Variants in ZNF626 observed in about 807,000 individuals in gnomAD.
ZNF626 encodes CTC-513N18.7.
ZNF626 carries 4 observed loss-of-function variants against 11.7 expected under a neutral mutation model. That is an observed-to-expected ratio of 0.34 (90% confidence interval 0.17 to 0.78). The LOEUF (loss-of-function observed/expected upper bound fraction) is 0.78. Ranked by LOEUF, ZNF626 falls within the 30% of genes least tolerant of loss-of-function variation. The probability of loss-of-function intolerance (pLI) is 0.57; values close to 1 mark genes in which losing one functional copy is unlikely to be tolerated. For missense variants in ZNF626, 588 were observed against 587.1 expected (o/e 1.00, Z -0.01); for synonymous variants, 179 against 198.6 (o/e 0.90, Z 0.83).
chr19:20,628,233 T>C (rs10413210), intron 3 of ZNF626, among the ~76,000 whole-genome samples: 67,941 of 151,640 alleles, frequency 0.45, 16,431 homozygotes, highest in African/African-American at 0.64. Context: ...AGTGCTGCAA[T>C]AAACATACAT....
chr19:20,645,356 T>C (rs1555771789), intron 3 of ZNF626: 1 of 1,579,938 alleles, frequency 6.3e-7, no homozygotes, highest in East Asian at 2.2e-5. Context: ...CATTTGTGCG[T>C]CCCAAAAATT....
intron 1 of ZNF626, among the ~76,000 whole-genome samples, chr19:20,660,899 T>C (rs1419345201): frequency 6.6e-6 from 1 of 152,104 alleles, no homozygotes; most frequent in Non-Finnish European, 1.5e-5. Context: ...GTAGGGTTGA[T>C]TTACAACTTT....
chr19:20,652,505 CA>C (rs1185029393), intron 1 of ZNF626, among the ~76,000 whole-genome samples: 1 of 152,062 alleles, frequency 6.6e-6, no homozygotes, highest in Non-Finnish European at 1.5e-5. Context: ...TATTTATTTA[CA>C]AAAATAACAT....
chr19:20,645,522 AAAAG>A (rs1555771815), intron 3 of ZNF626, 158 bp downstream of exon 3: 3 of 1,565,528 alleles, frequency 1.9e-6, no homozygotes. Context: ...GCAAAATTAA[AAAAG>A]AAAAAACCAA....
chr19:20,661,534 G>GT lies in ZNF626; in HGVS notation c.-89_-88insA, dbSNP rs1555773709. On this transcript the variant is annotated 5_prime_UTR_variant, in exon 1 of 4. Coordinates refer to ENST00000601440, the MANE Select transcript of ZNF626 (RefSeq NM_001076675.3). ...GGCCACACAGCCTGGGCCTTTAGGA[G>GT]AAGAACCAGACCTGGAGCTCTGACT... The GT allele has an allele frequency of 1.5e-5, 23 of 1,492,276 alleles. No homozygotes were observed. The highest frequency in any genetic ancestry group is 1.5e-4 in the Admixed American group (8 of 54,158). The allele number at this position is 1,492,276 out of a possible 1,614,324, so 92.4% of individuals were successfully genotyped here. A position where few individuals can be genotyped will look rare whatever the true frequency, so the allele number is the denominator to read the frequency against.
chr19:20,655,102 A>C (rs1210124520), intron 1 of ZNF626, among the ~76,000 whole-genome samples: 1 of 117,352 alleles, frequency 8.5e-6, no homozygotes, highest in African/African-American at 4.6e-5. Context: ...ACAGAGTGAG[A>C]CTGTCTCAAA....
At chr19:20,655,463 AAAAT>A (rs1970194569) in intron 1 of ZNF626, among the ~76,000 whole-genome samples, 1 of 152,234 alleles carries the variant, frequency 6.6e-6, no homozygotes, top group South Asian at 2.1e-4. Flanking sequence ...AAAAATCAAA[AAAAT>A]AAACTTTTCG....
intron 3 of ZNF626, among the ~76,000 whole-genome samples, chr19:20,638,631 G>C (rs1181015290): frequency 6.6e-5 from 10 of 151,972 alleles, no homozygotes; most frequent in Admixed American, 3.3e-4. Context: ...GTCATAATTA[G>C]ACATAACATG....
At chr19:20,656,269 C>T (rs1970204239) in intron 1 of ZNF626, among the ~76,000 whole-genome samples, 1 of 151,992 alleles carries the variant, frequency 6.6e-6, no homozygotes, top group South Asian at 2.1e-4. Context: ...CTTCATTACA[C>T]CATATACAAA....
At chr19:20,659,830 A>G (rs782710621) in intron 1 of ZNF626, among the ~76,000 whole-genome samples, 12 of 151,992 alleles carry the variant, frequency 7.9e-5, no homozygotes, top group Non-Finnish European at 1.3e-4. Context: ...TTTCATCTTA[A>G]TCTTGACTGC....
At chr19:20,659,304 G>C (rs1202917625) in intron 1 of ZNF626, among the ~76,000 whole-genome samples, 2 of 151,764 alleles carry the variant, frequency 1.3e-5, no homozygotes, top group African/African-American at 4.8e-5. Flanking sequence ...CCTTGGCACC[G>C]TCTCAGCTCA....
chr19:20,644,790 T>C (rs1383806847), intron 3 of ZNF626: 2 of 152,010 alleles, frequency 1.3e-5, no homozygotes, highest in African/African-American at 4.8e-5. Flanking sequence ...ATTAGCAAAA[T>C]ATAAAATTAA....
At chr19:20,651,422 G>T (rs1359499155) in intron 1 of ZNF626, among the ~76,000 whole-genome samples, 18 of 151,560 alleles carry the variant, frequency 1.2e-4, no homozygotes, top group African/African-American at 4.1e-4. Flanking sequence ...TATTTTAACG[G>T]TCATATGAAA....
At chr19:20,645,565 C>G (rs1348412595) in intron 3 of ZNF626, 119 bp downstream of exon 3, 1 of 1,550,886 alleles carries the variant, frequency 6.4e-7, no homozygotes, top group Non-Finnish European at 8.7e-7. Context: ...AATAGCTGCC[C>G]AAGAACTATT....
chr19:20,635,748 T>C lies in ZNF626; in HGVS notation c.226+9936A>G, dbSNP rs577028342. Among the ~76,000 whole-genome samples, 4 of 152,236 alleles carry C rather than the reference T, an allele frequency of 2.6e-5. No homozygotes were observed. The South Asian group carries it at 8.3e-4, about 32-fold the overall frequency. On this transcript the variant is annotated intron_variant, in intron 3 of 3. Transcript: ENST00000601440. ...TAAATTATCTTCAAATCCAAAAATGTTTCTCTGGCACAAAATTAATATAGA... is the reference window on the plus strand; with the variant it reads ...TAAATTATCTTCAAATCCAAAAATGCTTCTCTGGCACAAAATTAATATAGA...
chr19:20,634,658 C>G (rs782182701), intron 3 of ZNF626, among the ~76,000 whole-genome samples: 13 of 147,868 alleles, frequency 8.8e-5, no homozygotes, highest in Non-Finnish European at 1.7e-4. Flanking sequence ...AACAAACAAT[C>G]GAAAAAGGAG....
intron 1 of ZNF626, among the ~76,000 whole-genome samples, chr19:20,656,611 A>G (rs1970208206): frequency 2.0e-5 from 3 of 152,284 alleles, no homozygotes; most frequent in Middle Eastern, 3.4e-3. Context: ...CAAACATCTC[A>G]TTAAAAAGTA....
intron 3 of ZNF626, among the ~76,000 whole-genome samples, chr19:20,634,235 C>G (rs1271493759): frequency 6.6e-6 from 1 of 152,122 alleles, no homozygotes; most frequent in African/African-American, 2.4e-5. Flanking sequence ...CAATACTCCA[C>G]TTTCTGTAAT....
intron 3 of ZNF626, among the ~76,000 whole-genome samples, chr19:20,629,698 T>C (rs1237925900): frequency 6.6e-6 from 1 of 152,236 alleles, no homozygotes; most frequent in African/African-American, 2.4e-5. Context: ...TGGGGTTTTC[T>C]AGATATACAA....
Sources: gnomAD v4.1 joint callset for allele counts (sites outside exome capture counted in the v4.1 genomes callset) on GRCh38, gnomAD v4.1.1 for gene constraint, MANE v1.5 for transcripts, NCBI Gene and HGNC (gene_info 2026-07-23, HGNC 2026-07-21) for gene names.